CAMTA1: variants seen among roughly 807,000 people sequenced by gnomAD.
CAMTA1 encodes the protein calmodulin binding transcription activator 1.
CAMTA1 carries 27 observed loss-of-function variants against 170.9 expected under a neutral mutation model. That is an observed-to-expected ratio of 0.16 (90% CI 0.12 to 0.22). The LOEUF is 0.22. Ranked by LOEUF, CAMTA1 falls within the 10% of genes least tolerant of loss-of-function variation. The pLI, the probability that CAMTA1 is intolerant of heterozygous loss-of-function variation, is 1.00. For synonymous variants in CAMTA1, 833 were observed against 891.5 expected (o/e 0.93, Z 1.17); for missense variants, 1,619 against 2,217.2 (o/e 0.73, Z 5.42).
chr1:7,418,264 C>G (rs181276283), intron 5 of CAMTA1, among the ~76,000 whole-genome samples: 1 of 152,268 alleles, frequency 6.6e-6, no homozygotes, highest in East Asian at 1.9e-4. Flanking sequence ...GGTGCAATCT[C>G]GGCTCACTGC....
rs558828855 is a variant in CAMTA1 at position 7,028,776 on chromosome 1, G to C, written c.235-62528G>C. ...CACGTGCTCAGTAAGTGTTTGGACT[G>C]TCAGAGGTAGGTGGATAGGCAAAAA... On this transcript the variant is annotated intron_variant, in intron 3 of 22. Coordinates refer to ENST00000303635, the MANE Select transcript of CAMTA1 (RefSeq NM_015215.4). 3.9e-5 allele frequency among the ~76,000 whole-genome samples: 6 copies of C among 152,322 alleles called. No individual in the cohort carries two copies. The South Asian group carries it at 1.2e-3, about 32-fold the overall frequency.
intron 5 of CAMTA1, among the ~76,000 whole-genome samples, chr1:7,464,915 G>A (rs530676544): frequency 2.0e-5 from 3 of 152,116 alleles, no homozygotes; most frequent in South Asian, 2.1e-4. Flanking sequence ...TCCACCTCTC[G>A]CCGAGGCCCT....
chr1:7,501,645 G>A (rs901710598), intron 6 of CAMTA1, among the ~76,000 whole-genome samples: 3 of 151,472 alleles, frequency 2.0e-5, no homozygotes, highest in African/African-American at 7.3e-5. Flanking sequence ...GTCTAGGTAT[G>A]TCCCACACAG....
intron 5 of CAMTA1, among the ~76,000 whole-genome samples, chr1:7,449,213 G>A (rs756375127): frequency 1.2e-4 from 19 of 152,352 alleles, no homozygotes; most frequent in South Asian, 6.2e-4. Flanking sequence ...GCGAGGAGAT[G>A]TAGGCCTAGA....
At chr1:7,253,179 G>A (rs1247401124) in intron 5 of CAMTA1, among the ~76,000 whole-genome samples, 1 of 152,178 alleles carries the variant, frequency 6.6e-6, no homozygotes, top group African/African-American at 2.4e-5. Context: ...ACAGATTTAT[G>A]CCAGCTTCTT....
At chr1:7,607,144 G>A (rs1004683885) in intron 6 of CAMTA1, among the ~76,000 whole-genome samples, 12 of 151,860 alleles carry the variant, frequency 7.9e-5, no homozygotes, top group Non-Finnish European at 1.8e-4. Context: ...TGGATGGATG[G>A]ATGGATGGAT....
At chr1:7,602,395 T>C (rs181312394) in intron 6 of CAMTA1, among the ~76,000 whole-genome samples, 5 of 152,108 alleles carry the variant, frequency 3.3e-5, no homozygotes, top group African/African-American at 4.8e-5. Context: ...AGAGTGTATG[T>C]GTCGAGGAAT....
intron 1 of CAMTA1, among the ~76,000 whole-genome samples, chr1:6,789,076 C>T (rs76604769): frequency 0.017 from 2,602 of 152,278 alleles, 34 homozygotes; most frequent in South Asian, 0.033. Flanking sequence ...TTCTTGGAAA[C>T]CTTACTTATC....
chr1:7,403,895 A>G (rs1375299471), intron 5 of CAMTA1, among the ~76,000 whole-genome samples: 1 of 152,104 alleles, frequency 6.6e-6, no homozygotes, highest in Non-Finnish European at 1.5e-5. Context: ...AGGGAGGCAA[A>G]GGAGCTTCCC....
Position 7,455,043 on chromosome 1 carries a change from CG to C in CAMTA1, c.439-12786del, listed in dbSNP as rs573346276. On this transcript the variant is annotated intron_variant, in intron 5 of 22. Transcript: ENST00000303635. The surrounding 1 kb of genome is among the most constrained non-coding windows in gnomAD (Gnocchi z 5.0). ...CTCCGTGCCAGAGCCTCGGAGGTTC[CG>C]ATGCACTCAGGGCCCTGGGGGCATC... is the stretch of plus-strand genomic sequence containing the variant. Among the ~76,000 whole-genome samples, 64 of 152,260 alleles carry C rather than the reference CG, an allele frequency of 4.2e-4. No individual in the cohort carries two copies. In the East Asian group the frequency reaches 0.012, roughly 28 times the overall value.
chr1:6,917,792 G>A (rs1681140337), intron 3 of CAMTA1, among the ~76,000 whole-genome samples: 1 of 149,818 alleles, frequency 6.7e-6, no homozygotes, highest in Non-Finnish European at 1.5e-5. Context: ...GGGTGGGGGA[G>A]GGGGCCCCGA....
chr1:7,661,904 G>A (rs1422681510), intron 8 of CAMTA1, 38 bp downstream of exon 8: 2 of 1,565,490 alleles, frequency 1.3e-6, no homozygotes, highest in African/African-American at 2.7e-5. Context: ...GCGCCACGGG[G>A]ACAGAGGGGC....
intron 6 of CAMTA1, among the ~76,000 whole-genome samples, chr1:7,517,934 G>C (rs1360516110): frequency 6.6e-6 from 1 of 151,908 alleles, no homozygotes; most frequent in Non-Finnish European, 1.5e-5. Context: ...GAGAGCCCAG[G>C]GTTAAGCCCT....
chr1:7,014,892 C>T lies in CAMTA1; in HGVS notation c.235-76412C>T, dbSNP rs1700315566. 6.6e-6 allele frequency among the ~76,000 whole-genome samples: 1 copy of T among 152,134 alleles called. No homozygotes were observed. The highest frequency in any genetic ancestry group is 6.5e-5 in the Admixed American group (1 of 15,270). On this transcript the variant is annotated intron_variant, in intron 3 of 22. Transcript: ENST00000303635. This position sits in a 1 kb window ranked among gnomAD's most constrained non-coding sequence, Gnocchi z 4.2. Reference sequence around the variant, plus strand: ...CCTGGAGTTGTTTGTATAATTGGGGCTCTGTGTGTCTTTTTTTGGAGGAAG... The same window carrying T: ...CCTGGAGTTGTTTGTATAATTGGGGTTCTGTGTGTCTTTTTTTGGAGGAAG...
intron 5 of CAMTA1, among the ~76,000 whole-genome samples, chr1:7,459,914 T>C (rs971521352): frequency 1.3e-5 from 2 of 152,182 alleles, no homozygotes; most frequent in African/African-American, 4.8e-5. Flanking sequence ...GAGCCAAAGT[T>C]CTAGTCCTGA....
intron 3 of CAMTA1, among the ~76,000 whole-genome samples, chr1:7,015,172 C>G (rs1384356192): frequency 1.3e-5 from 2 of 152,182 alleles, no homozygotes; most frequent in African/African-American, 2.4e-5. Flanking sequence ...CACCTGCTGT[C>G]CTGGTGAGCT....
At chr1:7,179,155 C>T (rs1651570515) in intron 4 of CAMTA1, among the ~76,000 whole-genome samples, 1 of 152,242 alleles carries the variant, frequency 6.6e-6, no homozygotes, top group Admixed American at 6.5e-5. Context: ...GCCTTGCCCA[C>T]AGCAGGTGCT....
chr1:7,266,286 G>T (rs181212479), intron 5 of CAMTA1, among the ~76,000 whole-genome samples: 136 of 152,302 alleles, frequency 8.9e-4, no homozygotes, highest in Non-Finnish European at 1.8e-3. Context: ...TTTGGACACC[G>T]GTGTGTTCAG....
chr1:6,906,653 C>G (rs777167451), intron 3 of CAMTA1, among the ~76,000 whole-genome samples: 3 of 152,170 alleles, frequency 2.0e-5, no homozygotes, highest in African/African-American at 4.8e-5. Flanking sequence ...ATTGGAGCAA[C>G]AGGAGCTTGG....
Sources: gnomAD v4.1 joint callset for allele counts (sites outside exome capture counted in the v4.1 genomes callset) on GRCh38, gnomAD v4.1.1 for gene constraint, Gnocchi (gnomAD v3.1) non-coding constraint, MANE v1.5 for transcripts, NCBI Gene and HGNC (gene_info 2026-07-23, HGNC 2026-07-21) for gene names.